TRIM37: variants seen among roughly 807,000 people sequenced by gnomAD.
The protein encoded by TRIM37 is tripartite motif containing 37, also known as E3 ubiquitin-protein ligase TRIM37.
A neutral mutation model predicts 129.8 loss-of-function variants in TRIM37; 80 were observed. The ratio of observed to expected loss-of-function variants is 0.62; its 90% CI spans 0.51 to 0.74. TRIM37 has a LOEUF of 0.74. Among genes scored for constraint, TRIM37 ranks in the 30% least tolerant of loss-of-function variants. TRIM37 has a pLI of 0.00. For missense variants in TRIM37, 1,054 were observed against 1,176.5 expected (o/e 0.90, Z 1.52); for synonymous variants, 389 against 387.1 (o/e 1.00, Z -0.06).
At chr17:59,079,211 A>G (rs1345488942) in intron 7 of TRIM37, among the ~76,000 whole-genome samples, 2 of 152,220 alleles carry the variant, frequency 1.3e-5, no homozygotes, top group Non-Finnish European at 2.9e-5. Context: ...GCATTGGATT[A>G]AATTCTTACT....
At chr17:58,978,381 C>T (rs1378611916), downstream of TRIM37, among the ~76,000 whole-genome samples, 1 of 152,044 alleles carries the variant, frequency 6.6e-6, no homozygotes, top group Non-Finnish European at 1.5e-5. Context: ...TTGCTCAGTA[C>T]CCTGTGTGTG....
intron 19 of TRIM37, among the ~76,000 whole-genome samples, chr17:59,023,526 G>A (rs1181037794): frequency 6.6e-6 from 1 of 151,940 alleles, no homozygotes; most frequent in African/African-American, 2.4e-5. Context: ...GTGGTGGCAG[G>A]CACCTGTAGT....
chr17:59,041,922 T>G, intron 16 of TRIM37, 24 bp from the exon 17 acceptor site: 1 of 1,549,174 alleles, frequency 6.5e-7, no homozygotes, highest in African/African-American at 1.4e-5. Flanking sequence ...AAATCCATCA[T>G]TTATATAGAG....
chr17:59,064,948 G>A (rs2041811219), intron 9 of TRIM37, among the ~76,000 whole-genome samples: 2 of 152,200 alleles, frequency 1.3e-5, no homozygotes, highest in Non-Finnish European at 2.9e-5. Context: ...CTACTTGGGA[G>A]GCTGAGGCAC....
intron 24 of TRIM37, among the ~76,000 whole-genome samples, chr17:58,990,094 C>A (rs1348304850): frequency 7.5e-6 from 1 of 133,364 alleles, no homozygotes; most frequent in African/African-American, 2.8e-5. Flanking sequence ...GGGAGGATTG[C>A]TTGAGCCCAG....
chr17:59,063,697 C>A (rs2041693184), intron 10 of TRIM37, among the ~76,000 whole-genome samples: 1 of 152,114 alleles, frequency 6.6e-6, no homozygotes, highest in South Asian at 2.1e-4. Context: ...CAATAATGGC[C>A]CCTTATCCAC....
chr17:59,058,409 A>G (rs2041170453), intron 12 of TRIM37, among the ~76,000 whole-genome samples: 2 of 152,230 alleles, frequency 1.3e-5, no homozygotes, highest in Non-Finnish European at 2.9e-5. Context: ...AAAGGAGAGG[A>G]GCAGAAAAGA....
chr17:58,969,510 C>T, the TRIM37 span: 1 of 1,611,584 alleles, frequency 6.2e-7, no homozygotes, highest in Non-Finnish European at 8.5e-7. Flanking sequence ...TACCCAACTC[C>T]CATAACTGTT....
At chr17:59,101,735 C>CATGTTTATAT (rs1178482126) in intron 2 of TRIM37, among the ~76,000 whole-genome samples, 7 of 133,500 alleles carry the variant, frequency 5.2e-5, no homozygotes, top group Non-Finnish European at 6.3e-5. Context: ...TATACATATA[C>CATGTTTATAT]ATGTTTATAT....
At chr17:58,982,851 A>G (rs1598724330) in exon 25 of TRIM37, 2 of 1,506,316 alleles carry the variant, frequency 1.3e-6, no homozygotes, top group Non-Finnish European at 1.8e-6. Flanking sequence ...GTCCTCACTC[A>G]TATCTGTCAC....
At chr17:59,090,807 G>C (rs146942188) in intron 3 of TRIM37, among the ~76,000 whole-genome samples, 112 of 152,160 alleles carry the variant, frequency 7.4e-4, no homozygotes, top group African/African-American at 2.5e-3. Context: ...TGTATTTTTA[G>C]TAGAGACAAG....
intron 7 of TRIM37, among the ~76,000 whole-genome samples, chr17:59,079,382 G>C (rs2043074567): frequency 6.6e-6 from 1 of 152,186 alleles, no homozygotes; most frequent in Admixed American, 6.5e-5. Context: ...GCTGGCAGGG[G>C]ATGACGCCGA....
At chr17:58,967,480 T>C in the TRIM37 span, among the ~76,000 whole-genome samples, 1 of 150,946 alleles carries the variant, frequency 6.6e-6, no homozygotes, top group Admixed American at 6.6e-5. Flanking sequence ...CACATTCTGA[T>C]CCTAATTTCA....
chr17:58,980,311 G>A (rs1255546620), downstream of TRIM37: 2 of 1,614,076 alleles, frequency 1.2e-6, no homozygotes, highest in Non-Finnish European at 1.7e-6. This position sits in a 1 kb window ranked among gnomAD's most constrained non-coding sequence, Gnocchi z 4.7. Flanking sequence ...AAGATGGTGG[G>A]GATGATAAGG....
intron 2 of TRIM37, among the ~76,000 whole-genome samples, chr17:59,092,692 C>T (rs1364380891): frequency 1.3e-5 from 2 of 152,126 alleles, no homozygotes; most frequent in Admixed American, 6.5e-5. Flanking sequence ...CCTACACCAA[C>T]GTACTCCCAA....
At chr17:59,057,674 C>T (rs1292651219) in intron 12 of TRIM37, among the ~76,000 whole-genome samples, 1 of 152,114 alleles carries the variant, frequency 6.6e-6, no homozygotes, top group Non-Finnish European at 1.5e-5. Flanking sequence ...AAGTGCACAC[C>T]ACCATGCCCA....
downstream of TRIM37, chr17:58,980,557 G>T: frequency 6.2e-7 from 1 of 1,614,176 alleles, no homozygotes; most frequent in South Asian, 1.1e-5. This position sits in a 1 kb window ranked among gnomAD's most constrained non-coding sequence, Gnocchi z 4.7. Flanking sequence ...GTGCACCAAA[G>T]AAAGCAAATC....
At position 58,999,414 on chromosome 17, in the gene TRIM37, T is replaced by C; in HGVS notation, c.2858A>G (p.Asp953Gly). 6.2e-7 allele frequency: 1 copy of C among 1,613,876 alleles called. No homozygotes were observed. Residue 953 changes from aspartate (D) to glycine (G), a missense_variant, in exon 24 of 24, where the codon GAT becomes GGT. Asp to Gly is a moderately conservative substitution (Grantham distance 94). This residue lies in a region of TRIM37 where 287 missense variants were observed against 274.3 expected (regional missense o/e 1.05). Transcript: ENST00000262294. The part of the protein sequence containing the change: ...FPDGEQIGPE[D>G]LSFNTDENSG... ...ATTTTCATCTGTATTGAAGCTGAGA[T>C]CTTCAGGGCCTATTTGTTCACCATC...
intron 6 of TRIM37, 124 bp downstream of exon 6, chr17:59,080,973 G>T: frequency 4.5e-6 from 2 of 448,268 alleles, no homozygotes; most frequent in Non-Finnish European, 6.4e-6. Flanking sequence ...TATAGGTACA[G>T]CCTATCAAAT....
Sources: allele counts gnomAD v4.1 joint callset (sites outside exome capture counted in the v4.1 genomes callset), GRCh38; gene constraint gnomAD v4.1.1; regional missense constraint gnomAD v4.1.1; non-coding constraint Gnocchi (gnomAD v3.1); transcripts MANE v1.5; gene names NCBI Gene and HGNC (gene_info 2026-07-23, HGNC 2026-07-21).